FAM149A: variants seen among roughly 807,000 people sequenced by gnomAD.
FAM149A encodes the protein protein FAM149A.
A neutral mutation model predicts 78.2 loss-of-function variants in FAM149A; 71 were observed. The observed-to-expected ratio is 0.91, with a 90% CI of 0.75 to 1.11. FAM149A has a LOEUF of 1.11. FAM149A is among the 50% of genes least tolerant of loss of function. The pLI is 0.00. For missense variants in FAM149A, 1,036 were observed against 971.0 expected, an observed-to-expected ratio of 1.07 and a Z score of -0.89; for synonymous variants, 446 against 410.5, an observed-to-expected ratio of 1.09 and a Z score of -1.04.
In FAM149A at chr4:186,158,378, G is replaced by T. The variant is rs1734240747; in HGVS notation, c.1575+659G>T. ...GAAGTCGCCATCCCGTGCAACAAGG[G>T]AGCTCACTCAGTGGGCCTGAAGGGG... On this transcript the variant is annotated intron_variant, in intron 8 of 13. Coordinates refer to ENST00000389354, the MANE Select transcript of FAM149A (RefSeq NM_001367768.3). 3.3e-6 allele frequency: 4 copies of T among 1,204,794 alleles called. No individual in the cohort carries two copies. In the South Asian group the frequency reaches 4.9e-5, roughly 15 times the overall value. 74.6% of individuals were successfully genotyped at this position (1,204,794 alleles called of 1,614,324 possible). A position where few individuals can be genotyped will look rare whatever the true frequency, so the allele number is the denominator to read the frequency against.
In FAM149A at chr4:186,172,089, G is replaced by A. The variant is rs775152586; in HGVS notation, c.*102G>A. 6 of 1,494,922 alleles carry A rather than the reference G, an allele frequency of 4.0e-6. No homozygotes were observed. Among genetic ancestry groups the A allele is most frequent in the Admixed American group, 4.6e-5 (2 of 43,264 alleles). 92.6% of individuals were successfully genotyped at this position (1,494,922 alleles called of 1,614,324 possible). On this transcript the variant is annotated 3_prime_UTR_variant, in exon 14 of 14. Transcript: ENST00000389354. ...GTTATATTTATCTGTGTGTCTGACAGTGTGAGATGTTAGACCGAGAGAAAA... is the reference window on the plus strand; with the variant it reads ...GTTATATTTATCTGTGTGTCTGACAATGTGAGATGTTAGACCGAGAGAAAA...
Position 186,142,457 on chromosome 4 carries a change from C to T in FAM149A, c.567-6716C>T, listed in dbSNP as rs566553655. On this transcript the variant is annotated intron_variant, in intron 1 of 13. Transcript: ENST00000389354. The stretch of plus-strand genomic sequence containing the variant: ...ACCTGTGGCCAGAGGACGGTTATGG[C>T]GGATTAAAGACGGCTGTAGGTTCTT... Among the ~76,000 whole-genome samples the T allele has an allele frequency of 2.0e-5, 3 of 152,222 alleles. No homozygotes were observed. The South Asian group carries it at 6.2e-4, about 32-fold the overall frequency.
At chr4:186,143,263 G>A (rs1283830985) in intron 1 of FAM149A, among the ~76,000 whole-genome samples, 1 of 146,364 alleles carries the variant, frequency 6.8e-6, no homozygotes, top group Non-Finnish European at 1.5e-5. Flanking sequence ...AAACACTGCG[G>A]TTACAGGTGG....
At chr4:186,143,435 A>G (rs866056999) in intron 1 of FAM149A, among the ~76,000 whole-genome samples, 3 of 152,298 alleles carry the variant, frequency 2.0e-5, no homozygotes, top group South Asian at 2.1e-4. Context: ...ATACACATAT[A>G]CATGTATCAG....
At chr4:186,165,257 A>G in intron 10 of FAM149A, 87 bp from the exon 11 acceptor site, 1 of 1,481,414 alleles carries the variant, frequency 6.8e-7, no homozygotes, top group Non-Finnish European at 9.4e-7. Context: ...ACGCAGAAAC[A>G]TTGAAATCAC....
Position 186,154,530 on chromosome 4 carries a change from C to CT in FAM149A, c.1122dup (p.Asp375Ter), listed in dbSNP as rs1561408141. 3 of 1,614,138 alleles carry CT rather than the reference C, an allele frequency of 1.9e-6. No individual in the cohort carries two copies. The Admixed American group carries it at 5.0e-5, about 27-fold the overall frequency. Reference sequence around the variant, plus strand: ...CTCTCAGCCTCTGCCCTGCCAGGCCCTGATGACACAGGGGTTGCTGACCTA... The same window carrying CT: ...CTCTCAGCCTCTGCCCTGCCAGGCCCTTGATGACACAGGGGTTGCTGACCTA... On this transcript the variant is annotated frameshift_variant, in exon 6 of 14. Transcript: ENST00000389354. LOFTEE classifies it high-confidence loss of function.
chr4:186,153,260 G>C, intron 4 of FAM149A: 1 of 978,808 alleles, frequency 1.0e-6, no homozygotes, highest in Non-Finnish European at 1.2e-6. Context: ...TTGTATTCTT[G>C]TTATGTTTGT....
At position 186,162,836 on chromosome 4, in the gene FAM149A, T is replaced by TTA; in HGVS notation, c.1576-9_1576-8insTA. 1.1e-6 allele frequency: 1 copy of TTA among 935,638 alleles called. No individual in the cohort carries two copies. Among genetic ancestry groups the TTA allele is most frequent in the Non-Finnish European group, 1.7e-6 (1 of 604,648 alleles). 58.0% of individuals were successfully genotyped at this position (935,638 alleles called of 1,614,324 possible). A position where few individuals can be genotyped will look rare whatever the true frequency, so the allele number is the denominator to read the frequency against. On this transcript the variant is annotated splice_polypyrimidine_tract_variant and intron_variant, in intron 8 of 13. Transcript: ENST00000389354. ...TTTTTTTTTTTTTTTTTTTTTTTAC[T>TTA]GTTCTCAGATTCATCACTTCTCCAG... is the stretch of plus-strand genomic sequence containing the variant.
intron 1 of FAM149A, among the ~76,000 whole-genome samples, chr4:186,106,574 T>A (rs1249333599): frequency 6.6e-6 from 1 of 152,096 alleles, no homozygotes; most frequent in African/African-American, 2.4e-5. Flanking sequence ...CCTGAGTAAT[T>A]TTTGCATTCA....
intron 6 of FAM149A, among the ~76,000 whole-genome samples, 199 bp from the exon 7 acceptor site, chr4:186,155,801 A>G (rs1489437287): frequency 6.6e-6 from 1 of 152,160 alleles, no homozygotes; most frequent in African/African-American, 2.4e-5. Context: ...AAGAAAGATC[A>G]ATGAAACCAG....
chr4:186,168,221 G>A (rs142897263), intron 13 of FAM149A, among the ~76,000 whole-genome samples: 28 of 152,316 alleles, frequency 1.8e-4, no homozygotes, highest in Non-Finnish European at 3.2e-4. Flanking sequence ...CTGCTCCTGC[G>A]CTAGTCGCTC....
chr4:186,145,247 G>A (rs905036791), intron 1 of FAM149A: 2 of 702,018 alleles, frequency 2.8e-6, no homozygotes, highest in South Asian at 6.3e-5. Context: ...GGCCGGCCCC[G>A]GGCATGGCTC....
At chr4:186,161,029 CT>C (rs547592959) in intron 8 of FAM149A, 2 of 194,302 alleles carry the variant, frequency 1.0e-5, no homozygotes, top group South Asian at 3.5e-4. Context: ...TAAGTGTTAC[CT>C]TTTGTTATAA....
chr4:186,160,217 CCACA>C (rs1035477364), intron 8 of FAM149A, among the ~76,000 whole-genome samples: 3 of 133,462 alleles, frequency 2.2e-5, no homozygotes, highest in African/African-American at 9.0e-5. Context: ...ACACCACTCA[CCACA>C]CACACCACTC....
At position 186,156,038 on chromosome 4, in the gene FAM149A, G is replaced by T; in HGVS notation, c.1268G>T (p.Gly423Val). Reference sequence around the variant, plus strand: ...CTTGAACAAAAACCAGCTCAGCCCGGTAGGAAATGGCGCAAACTCGGACTT... The same window carrying T: ...CTTGAACAAAAACCAGCTCAGCCCGTTAGGAAATGGCGCAAACTCGGACTT... Residue 423 changes from glycine (G) to valine (V), a missense_variant, in exon 7 of 14, where the codon GGT (glycine) becomes GTT (valine). Around this residue, in one of 3 missense-constraint regions of FAM149A, gnomAD observed 716 missense variants for 711.8 expected, o/e 1.01. Transcript: ENST00000389354. The T allele has an allele frequency of 4.3e-6, 7 of 1,613,850 alleles. No individual in the cohort carries two copies. The highest frequency in any genetic ancestry group is 5.9e-6 in the Non-Finnish European group (7 of 1,179,850).
At chr4:186,161,552 T>A (rs1336183126) in intron 8 of FAM149A, among the ~76,000 whole-genome samples, 2 of 152,154 alleles carry the variant, frequency 1.3e-5, no homozygotes, top group Non-Finnish European at 2.9e-5. Context: ...TTAAAAAAAA[T>A]AGGCAGTATG....
rs1195206709 is a variant in FAM149A, at chr4:186,144,834, G to A, written c.567-4339G>A. 2.0e-6 allele frequency: 2 copies of A among 982,824 alleles called. No individual in the cohort carries two copies. The highest frequency in any genetic ancestry group is 2.4e-6 in the Non-Finnish European group (2 of 828,882). The allele number at this position is 982,824 out of a possible 1,614,324, so 60.9% of individuals were successfully genotyped here. A position where few individuals can be genotyped will look rare whatever the true frequency, so the allele number is the denominator to read the frequency against. ...GGAGGAGGGGAGGCGGCGCCGGCGCGGGCGGGGCGGAGGATCTGGAGAGGG... is the reference window on the plus strand; with the variant it reads ...GGAGGAGGGGAGGCGGCGCCGGCGCAGGCGGGGCGGAGGATCTGGAGAGGG... On this transcript the variant is annotated intron_variant, in intron 1 of 13. Coordinates refer to ENST00000389354, the MANE Select transcript of FAM149A (RefSeq NM_001367768.3). This position sits in a 1 kb window ranked among gnomAD's most constrained non-coding sequence, Gnocchi z 4.2.
intron 1 of FAM149A, chr4:186,123,874 A>C (rs1579800555): frequency 1.0e-6 from 1 of 961,350 alleles, no homozygotes; most frequent in South Asian, 4.9e-5. Flanking sequence ...TGTGACAATC[A>C]CTTTCTTAAA....
intron 1 of FAM149A, among the ~76,000 whole-genome samples, chr4:186,136,249 C>G (rs1361953678): frequency 6.6e-6 from 1 of 152,136 alleles, no homozygotes; most frequent in Non-Finnish European, 1.5e-5. Flanking sequence ...TGTTGAAAGA[C>G]TGTTTAATTA....
Sources: allele counts gnomAD v4.1 joint callset (sites outside exome capture counted in the v4.1 genomes callset), GRCh38; gene constraint gnomAD v4.1.1; regional missense constraint gnomAD v4.1.1; non-coding constraint Gnocchi (gnomAD v3.1); transcripts MANE v1.5; gene names NCBI Gene and HGNC (gene_info 2026-07-23, HGNC 2026-07-21).